The following PDCL3 variants were observed in gnomAD, a reference collection of about 807,000 sequenced individuals.
PDCL3 encodes the protein phosducin-like protein 3.
A neutral mutation model predicts 26.5 loss-of-function variants in PDCL3; 22 were observed. The observed-to-expected ratio is 0.83, with a 90% confidence interval of 0.59 to 1.19. The LOEUF (loss-of-function observed/expected upper bound fraction) is 1.19. Ranked by LOEUF, PDCL3 falls within the 50% of genes most tolerant of loss-of-function variation. The pLI, the probability that PDCL3 is intolerant of heterozygous loss-of-function variation, is 0.00. For synonymous variants in PDCL3, 81 were observed against 104.9 expected, an observed-to-expected ratio of 0.77 and a Z score of 1.39; for missense variants, 246 against 294.1, an observed-to-expected ratio of 0.84 and a Z score of 1.20.
In PDCL3 at chr2:100,563,184, C is replaced by G. The variant is rs553546094; in HGVS notation, c.6+111C>G. The G allele has an allele frequency of 5.6e-5, 77 of 1,368,194 alleles. No homozygotes were observed. The African/African-American group carries it at 9.4e-4, about 17-fold the overall frequency. The allele number at this position is 1,368,194 out of a possible 1,614,324, so 84.8% of individuals were successfully genotyped here. On this transcript the variant is annotated intron_variant, in intron 1 of 5. Transcript: ENST00000264254. ...GGGGGAAGCTCCGGCGCCGCAGGCA[C>G]GAGGGAGGCCCGGCGCGTCCAGGCC...
chr2:100,571,845 A>G (rs1389109148), intron 5 of PDCL3, 47 bp downstream of exon 5: 4 of 1,576,090 alleles, frequency 2.5e-6, no homozygotes, highest in Non-Finnish European at 3.5e-6. Context: ...TGGGAGGCGC[A>G]TTTCTGTTGG....
At chr2:100,565,871 C>A (rs1244365625) in intron 1 of PDCL3, among the ~76,000 whole-genome samples, 1 of 152,168 alleles carries the variant, frequency 6.6e-6, no homozygotes, top group Non-Finnish European at 1.5e-5. Flanking sequence ...GTAGATACTT[C>A]AGTTTTATCT....
intron 3 of PDCL3, 51 bp downstream of exon 3, chr2:100,569,072 T>G (rs188929757): frequency 0.021 from 32,118 of 1,535,940 alleles, 450 homozygotes; most frequent in South Asian, 0.031. Flanking sequence ...GTTTGTTTTG[T>G]TTTGGTTTTT....
At chr2:100,568,861 GGAAAAAA>G (rs1675106602) in intron 2 of PDCL3, 63 bp from the exon 3 acceptor site, 1 of 1,299,490 alleles carries the variant, frequency 7.7e-7, no homozygotes, top group African/African-American at 1.5e-5. Flanking sequence ...AAAAGAGAGG[GGAAAAAA>G]GAAAAATACA....
In PDCL3 at chr2:100,563,006, A is replaced by T. The variant is rs1674976711; in HGVS notation, c.-62A>T. The stretch of plus-strand genomic sequence containing the variant: ...TGGCGGCGCTGTGCGCGTGCACAAA[A>T]GAGAGCTGAGGGGCGGGGGCGCTGC... On this transcript the variant is annotated 5_prime_UTR_variant, in exon 1 of 6. In the 5' UTR this introduces an upstream ATG that the reference lacks. Coordinates refer to ENST00000264254, the MANE Select transcript of PDCL3 (RefSeq NM_024065.5). 2 of 1,575,994 alleles carry T rather than the reference A, an allele frequency of 1.3e-6. No homozygotes were observed. Among genetic ancestry groups the T allele is most frequent in the Admixed American group, 1.8e-5 (1 of 54,096 alleles).
At chr2:100,572,828 A>G (rs1187417145) in intron 5 of PDCL3, among the ~76,000 whole-genome samples, 8 of 151,920 alleles carry the variant, frequency 5.3e-5, no homozygotes, top group Non-Finnish European at 1.0e-4. Context: ...CAGCTTTTAA[A>G]TTAAATTAAA....
At chr2:100,571,000 G>A (rs1245646150) in intron 4 of PDCL3, among the ~76,000 whole-genome samples, 1 of 149,476 alleles carries the variant, frequency 6.7e-6, no homozygotes, top group Admixed American at 7.1e-5. Flanking sequence ...GCTGGGCATG[G>A]TGGCTTACAC....
chr2:100,570,624 C>G (rs1028394527), intron 4 of PDCL3, among the ~76,000 whole-genome samples: 2 of 151,866 alleles, frequency 1.3e-5, no homozygotes, highest in Non-Finnish European at 2.9e-5. Context: ...ATTACAGGCG[C>G]CTGCCACCGC....
In PDCL3 at chr2:100,568,611, T is replaced by G. The variant is rs567236136; in HGVS notation, c.134-320T>G. On this transcript the variant is annotated intron_variant, in intron 2 of 5. Coordinates refer to ENST00000264254, the MANE Select transcript of PDCL3 (RefSeq NM_024065.5). Reference sequence around the variant, plus strand: ...TCGCACCATTGCACTCCAGCCTGGATGACAAGAGTGAAACTCTGTCTCCAA... The same window carrying G: ...TCGCACCATTGCACTCCAGCCTGGAGGACAAGAGTGAAACTCTGTCTCCAA... Among the ~76,000 whole-genome samples, 19 of 152,210 alleles carry G rather than the reference T, an allele frequency of 1.2e-4. No individual in the cohort carries two copies. In the South Asian group the frequency reaches 3.5e-3, roughly 28 times the overall value.
At chr2:100,563,850 G>A (rs1675004834) in intron 1 of PDCL3, among the ~76,000 whole-genome samples, 1 of 150,914 alleles carries the variant, frequency 6.6e-6, no homozygotes, top group Admixed American at 6.6e-5. Flanking sequence ...GAGGGTGCGG[G>A]TTTTGCTGGG....
At chr2:100,564,597 C>T (rs569381712) in intron 1 of PDCL3, among the ~76,000 whole-genome samples, 2 of 152,286 alleles carry the variant, frequency 1.3e-5, no homozygotes, top group African/African-American at 4.8e-5. Flanking sequence ...CGCCCGGCCT[C>T]ATTTTTCTTT....
At chr2:100,572,099 C>G in intron 5 of PDCL3, 1 of 354,912 alleles carries the variant, frequency 2.8e-6, no homozygotes, top group Admixed American at 4.5e-5. Flanking sequence ...GAAATCACAA[C>G]ATTCACTTTT....
At chr2:100,572,811 G>A (rs1052431429) in intron 5 of PDCL3, among the ~76,000 whole-genome samples, 1 of 152,060 alleles carries the variant, frequency 6.6e-6, no homozygotes, top group Non-Finnish European at 1.5e-5. Flanking sequence ...GAGCCACTGC[G>A]CCTGGCCAGC....
rs147097163 is a variant in PDCL3, at chr2:100,571,176, G to A, written c.369-414G>A. On this transcript the variant is annotated intron_variant, in intron 4 of 5. Coordinates refer to ENST00000264254, the MANE Select transcript of PDCL3 (RefSeq NM_024065.5). Reference sequence around the variant, plus strand: ...GTGTGCCTGTAATCACACCTCCCGAGTAGCTGGGATTACAGGCGCCTGCCA... The same window carrying A: ...GTGTGCCTGTAATCACACCTCCCGAATAGCTGGGATTACAGGCGCCTGCCA... Among the ~76,000 whole-genome samples, 216 of 148,998 alleles carry A rather than the reference G, an allele frequency of 1.4e-3. 1 individual carries two copies. The highest frequency in any genetic ancestry group is 5.1e-3 in the African/African-American group (207 of 40,326).
At position 100,564,442 on chromosome 2, in the gene PDCL3, G is replaced by T. The variant is rs369393031; in HGVS notation, c.6+1369G>T. On this transcript the variant is annotated intron_variant, in intron 1 of 5. Coordinates refer to ENST00000264254, the MANE Select transcript of PDCL3 (RefSeq NM_024065.5). ...CTCCTGAGTAGCTGGGACTACAGGC[G>T]CCCGTCACCACTCCCGGGTAATTTT... is the stretch of plus-strand genomic sequence containing the variant. 2.0e-5 allele frequency among the ~76,000 whole-genome samples: 3 copies of T among 152,034 alleles called. No homozygotes were observed. In the East Asian group the frequency reaches 5.8e-4, roughly 29 times the overall value.
chr2:100,571,742 T>C lies in PDCL3; in HGVS notation c.521T>C (p.Ile174Thr). The change falls in exon 5 of 6, where the codon ATC becomes ACC. Residue 174 changes from isoleucine to threonine, a missense_variant. Physicochemically the swap from Ile to Thr is moderately conservative, Grantham distance 89. Coordinates refer to ENST00000264254, the MANE Select transcript of PDCL3 (RefSeq NM_024065.5). ...ATATTTGTTTACCTGGAAGGAGATATCAAGGCTCAGTTTATTGGTCCTCTG... is the reference window on the plus strand; with the variant it reads ...ATATTTGTTTACCTGGAAGGAGATACCAAGGCTCAGTTTATTGGTCCTCTG... ...PTIFVYLEGD[I>T]KAQFIGPLVF... The C allele has an allele frequency of 1.9e-6, 3 of 1,614,104 alleles. No homozygotes were observed. Among genetic ancestry groups the C allele is most frequent in the African/African-American group, 1.3e-5 (1 of 75,048 alleles).
chr2:100,566,734 C>G lies in PDCL3; in HGVS notation c.133+105C>G, dbSNP rs550141840. ...AGGTTGGAGTGCCAGCATGGACACT[C>G]TGTGTCTGTGGGACCTCAGACAAAA... On this transcript the variant is annotated intron_variant, in intron 2 of 5. Transcript: ENST00000264254. The G allele has an allele frequency of 1.6e-4, 239 of 1,513,750 alleles. No individual in the cohort carries two copies. The Middle Eastern group carries it at 2.5e-3, about 16-fold the overall frequency. The allele number at this position is 1,513,750 out of a possible 1,614,324, so 93.8% of individuals were successfully genotyped here.
chr2:100,568,972 C>T lies in PDCL3; in HGVS notation c.175C>T (p.His59Tyr). ...TATGACTTTGGAAGAGCTGGAGGAT[C>T]ATGAAGACGAGTTTAATGAGGAGGA... is the stretch of plus-strand genomic sequence containing the variant. ...EDMTLEELED[H>Y]EDEFNEEDER... The change falls in exon 3 of 6, where the codon CAT (histidine) becomes TAT (tyrosine). Residue 59 changes from histidine (H) to tyrosine (Y), a missense_variant. Physicochemically the swap from His to Tyr is moderately conservative, Grantham distance 83. Coordinates refer to ENST00000264254, the MANE Select transcript of PDCL3 (RefSeq NM_024065.5). 1 of 1,613,964 alleles carries T rather than the reference C, an allele frequency of 6.2e-7. No individual in the cohort carries two copies. The highest frequency in any genetic ancestry group is 1.3e-5 in the African/African-American group (1 of 75,016).
rs139970204 is a variant in PDCL3 at position 100,567,100 on chromosome 2, T to C, written c.133+471T>C. 3.7e-4 allele frequency among the ~76,000 whole-genome samples: 56 copies of C among 152,230 alleles called. 1 individual carries two copies. The highest frequency in any genetic ancestry group is 1.3e-3 in the African/African-American group (54 of 41,552). On this transcript the variant is annotated intron_variant, in intron 2 of 5. Coordinates refer to ENST00000264254, the MANE Select transcript of PDCL3 (RefSeq NM_024065.5). Reference sequence around the variant, plus strand: ...GAATTGGAGTCCCTTGGAGTGCTGGTAACCCCACCCACCTAGTGTTTACTG... The same window carrying C: ...GAATTGGAGTCCCTTGGAGTGCTGGCAACCCCACCCACCTAGTGTTTACTG...
Sources: gnomAD v4.1 joint callset for allele counts (sites outside exome capture counted in the v4.1 genomes callset) on GRCh38, gnomAD v4.1.1 for gene constraint, MANE v1.5 for transcripts, NCBI Gene and HGNC (gene_info 2026-07-23, HGNC 2026-07-21) for gene names.